The following TSC22D2 variants were observed in gnomAD, a reference collection of about 807,000 sequenced individuals.
TSC22D2 encodes TSC22 domain family member 2.
Under a neutral mutation model 50.1 loss-of-function variants are expected in TSC22D2, and 5 were observed. The observed-to-expected ratio is 0.10, with a 90% CI of 0.05 to 0.21. TSC22D2 has a LOEUF of 0.21. TSC22D2 is among the 10% of genes least tolerant of loss of function. TSC22D2 has a pLI of 1.00. For synonymous variants in TSC22D2, 501 were observed against 450.1 expected (o/e 1.11, Z -1.43); for missense variants, 1,003 against 1,015.5 (o/e 0.99, Z 0.17).
In TSC22D2 at chr3:150,466,241, GTACTTC is replaced by G. The variant is rs1721542848; in HGVS notation, c.*7609_*7614del. ...CACACACACACAAATACTGTATAGT[GTACTTC>G]TACAAGTACATATTTGTGTATTATA... On this transcript the variant is annotated 3_prime_UTR_variant, in exon 3 of 3. Transcript: ENST00000688009. 2 of 151,282 alleles carry G rather than the reference GTACTTC, an allele frequency of 1.3e-5. No homozygotes were observed. The highest frequency in any genetic ancestry group is 6.6e-5 in the Admixed American group (1 of 15,196). 9.4% of individuals were successfully genotyped at this position (151,282 alleles called of 1,614,324 possible).
chr3:150,431,224 CAAAAAAA>C (rs71138443), intron 1 of TSC22D2, among the ~76,000 whole-genome samples: 14 of 27,970 alleles, frequency 5.0e-4, no homozygotes, highest in South Asian at 4.0e-3. Context: ...GGCTCTGTCT[CAAAAAAA>C]AAAAAAAAAA....
chr3:150,447,675 G>T (rs374245576), intron 1 of TSC22D2, among the ~76,000 whole-genome samples: 2 of 151,778 alleles, frequency 1.3e-5, no homozygotes, highest in South Asian at 2.1e-4. Flanking sequence ...AAAGCCCCAG[G>T]CATCCTTAGC....
At chr3:150,415,424 C>G (rs970984356) in intron 1 of TSC22D2, among the ~76,000 whole-genome samples, 1 of 152,180 alleles carries the variant, frequency 6.6e-6, no homozygotes, top group African/African-American at 2.4e-5. Flanking sequence ...TGAACTAAAT[C>G]ACCTTTATGA....
At chr3:150,427,695 G>C (rs752019431) in intron 1 of TSC22D2, among the ~76,000 whole-genome samples, 12 of 151,998 alleles carry the variant, frequency 7.9e-5, no homozygotes, top group Non-Finnish European at 1.5e-4. Flanking sequence ...AAGACATCTA[G>C]TAGAGGATAG....
intron 1 of TSC22D2, among the ~76,000 whole-genome samples, chr3:150,445,355 TAATAAG>T (rs1377183708): frequency 7.1e-6 from 1 of 141,720 alleles, no homozygotes; most frequent in Non-Finnish European, 1.5e-5. Context: ...ATAATAATAA[TAATAAG>T]CCTTGTAAAT....
chr3:150,424,306 A>G (rs906098885), intron 1 of TSC22D2, among the ~76,000 whole-genome samples: 13 of 152,190 alleles, frequency 8.5e-5, no homozygotes, highest in African/African-American at 1.7e-4. Context: ...TAGTTTTCCA[A>G]ATGTAGCCAG....
In TSC22D2 at chr3:150,410,667, C is replaced by G; in HGVS notation, c.1317C>G (p.Pro439=). ...ASSQPSEAMA[P]RTGPAQGGQV... ...CCCAGCCCAGCGAAGCCATGGCCCC[C>G]CGGACGGGACCAGCGCAAGGCGGGC... Residue 439 remains proline (P), a synonymous_variant, in exon 1 of 3, where the codon CCC becomes CCG. Transcript: ENST00000688009. 2.6e-6 allele frequency: 4 copies of G among 1,555,724 alleles called. No individual in the cohort carries two copies. The highest frequency in any genetic ancestry group is 1.2e-5 in the South Asian group (1 of 85,218).
chr3:150,461,638 TAAAC>T lies in TSC22D2; in HGVS notation c.*3004_*3007del, dbSNP rs369529623. ...ATAGTAGGGGTTAGGAGGCATTAAA[TAAAC>T]AGTTTCCTTAACTCCTGATTGTCCA... On this transcript the variant is annotated 3_prime_UTR_variant, in exon 3 of 3. Coordinates refer to ENST00000688009, the MANE Select transcript of TSC22D2 (RefSeq NM_001303264.2). 2.1e-3 allele frequency: 319 copies of T among 152,330 alleles called. 1 individual carries two copies. The highest frequency in any genetic ancestry group is 6.9e-3 in the African/African-American group (286 of 41,574). The allele number at this position is 152,330 out of a possible 1,614,324, so 9.4% of individuals were successfully genotyped here. A position where few individuals can be genotyped will look rare whatever the true frequency, so the allele number is the denominator to read the frequency against.
At chr3:150,423,932 T>G (rs778228441) in intron 1 of TSC22D2, among the ~76,000 whole-genome samples, 2 of 152,220 alleles carry the variant, frequency 1.3e-5, no homozygotes, top group Non-Finnish European at 2.9e-5. Context: ...CATTTGTGTC[T>G]TCTGGCATAG....
rs956315563 is a variant in TSC22D2 at position 150,461,261 on chromosome 3, A to G, written c.*2625A>G. 1 of 152,120 alleles carries G rather than the reference A, an allele frequency of 6.6e-6. No individual in the cohort carries two copies. The highest frequency in any genetic ancestry group is 2.4e-5 in the African/African-American group (1 of 41,410). The allele number at this position is 152,120 out of a possible 1,614,324, so 9.4% of individuals were successfully genotyped here. A position where few individuals can be genotyped will look rare whatever the true frequency, so the allele number is the denominator to read the frequency against. On this transcript the variant is annotated 3_prime_UTR_variant, in exon 3 of 3. Transcript: ENST00000688009. ...CTTTCCCATCATCCCCTCCCCTCAAAATCCAAACTATCCCTACTGTCAACC... is the reference window on the plus strand; with the variant it reads ...CTTTCCCATCATCCCCTCCCCTCAAGATCCAAACTATCCCTACTGTCAACC...
At position 150,462,639 on chromosome 3, in the gene TSC22D2, C is replaced by CTTTT. The variant is rs59588626; in HGVS notation, c.*4015_*4018dup. On this transcript the variant is annotated 3_prime_UTR_variant, in exon 3 of 3. Transcript: ENST00000688009. ...TGCCTATTTTCTTTTTTTCTTTTTTCTTTTTTTTTTTTTTTGAGACAGAGT... is the reference window on the plus strand; with the variant it reads ...TGCCTATTTTCTTTTTTTCTTTTTTCTTTTTTTTTTTTTTTTTTTGAGACAGAGT... 777 of 133,082 alleles carry CTTTT rather than the reference C, an allele frequency of 5.8e-3. 14 individuals are homozygous for CTTTT. The highest frequency in any genetic ancestry group is 0.015 in the African/African-American group (550 of 35,510). The allele number at this position is 133,082 out of a possible 1,614,324, so 8.2% of individuals were successfully genotyped here.
Position 150,465,465 on chromosome 3 carries a change from G to A in TSC22D2, c.*6829G>A, listed in dbSNP as rs1053942063. ...TACATTGCTAGTGAGCATACAAATT[G>A]GCACAGCCTCTTTTAAAGACAATTG... On this transcript the variant is annotated 3_prime_UTR_variant, in exon 3 of 3. Transcript: ENST00000688009. 6.6e-6 allele frequency: 1 copy of A among 152,094 alleles called. No individual in the cohort carries two copies. The highest frequency in any genetic ancestry group is 2.4e-5 in the African/African-American group (1 of 41,412). 9.4% of individuals were successfully genotyped at this position (152,094 alleles called of 1,614,324 possible). A position where few individuals can be genotyped will look rare whatever the true frequency, so the allele number is the denominator to read the frequency against.
intron 1 of TSC22D2, among the ~76,000 whole-genome samples, chr3:150,438,542 A>C (rs913423640): frequency 1.3e-5 from 2 of 152,184 alleles, no homozygotes. Context: ...GTATCTTTGC[A>C]GTGGTGTTTA....
At chr3:150,458,310 C>T (rs1721259446) in intron 2 of TSC22D2, 66 bp from the exon 3 acceptor site, 1 of 1,523,056 alleles carries the variant, frequency 6.6e-7, no homozygotes, top group African/African-American at 1.4e-5. Context: ...ACCAAGTAGG[C>T]CAGAACCAGA....
At chr3:150,441,426 C>G (rs1180786560) in intron 1 of TSC22D2, among the ~76,000 whole-genome samples, 2 of 152,166 alleles carry the variant, frequency 1.3e-5, no homozygotes, top group African/African-American at 2.4e-5. Context: ...TGTTGCTTCT[C>G]AGACCATTTG....
intron 1 of TSC22D2, among the ~76,000 whole-genome samples, chr3:150,411,822 A>G (rs759547113): frequency 2.0e-5 from 3 of 152,214 alleles, no homozygotes; most frequent in East Asian, 1.9e-4. Context: ...TGAAATGTCA[A>G]ATCCGGCTTT....
intron 1 of TSC22D2, among the ~76,000 whole-genome samples, chr3:150,440,253 TG>T (rs1186551010): frequency 2.6e-5 from 4 of 152,222 alleles, no homozygotes; most frequent in Non-Finnish European, 5.9e-5. Flanking sequence ...TTACATTGTA[TG>T]AAGATGTGAA....
At position 150,465,663 on chromosome 3, in the gene TSC22D2, A is replaced by G. The variant is rs1721523854; in HGVS notation, c.*7027A>G. On this transcript the variant is annotated 3_prime_UTR_variant, in exon 3 of 3. Transcript: ENST00000688009. ...CTGCATTTTCACTTTTTGAGGTTTCAGTCATCCAAGGTCAACCACAATACA... is the reference window on the plus strand; with the variant it reads ...CTGCATTTTCACTTTTTGAGGTTTCGGTCATCCAAGGTCAACCACAATACA... 1 of 152,230 alleles carries G rather than the reference A, an allele frequency of 6.6e-6. No homozygotes were observed. Among genetic ancestry groups the G allele is most frequent in the Non-Finnish European group, 1.5e-5 (1 of 68,030 alleles). 9.4% of individuals were successfully genotyped at this position (152,230 alleles called of 1,614,324 possible).
At chr3:150,429,610 A>G (rs966439392) in intron 1 of TSC22D2, among the ~76,000 whole-genome samples, 1 of 152,172 alleles carries the variant, frequency 6.6e-6, no homozygotes, top group African/African-American at 2.4e-5. Context: ...GTGTGTGGGA[A>G]AGAAAGAAAT....
Sources: gnomAD v4.1 joint callset for allele counts (sites outside exome capture counted in the v4.1 genomes callset) on GRCh38, gnomAD v4.1.1 for gene constraint, MANE v1.5 for transcripts, NCBI Gene and HGNC (gene_info 2026-07-23, HGNC 2026-07-21) for gene names.